The following PSPC1 variants were observed in gnomAD, a reference collection of about 807,000 sequenced individuals.
The protein encoded by PSPC1 is paraspeckle component 1, also known as paraspeckle protein 1.
In PSPC1, 14 loss-of-function variants were observed where a neutral mutation model predicts 51.6. The ratio of observed to expected loss-of-function variants is 0.27; its 90% CI spans 0.18 to 0.42. The LOEUF (loss-of-function observed/expected upper bound fraction) is 0.42. Ranked by LOEUF, PSPC1 falls within the 10% of genes least tolerant of loss-of-function variation. PSPC1 has a pLI of 1.00. For missense variants in PSPC1, 406 were observed against 701.1 expected (o/e 0.58, Z 4.75); for synonymous variants, 193 against 231.9 (o/e 0.83, Z 1.53).
chr13:19,782,565 T>C lies in PSPC1; in HGVS notation c.193A>G (p.Ile65Val), dbSNP rs777004665. ...GGCTTGAGGAAACTCTTGATGTCGA[T>C]AGTGAACCCCATCTCCTCGTCCGGG... is the stretch of plus-strand genomic sequence containing the variant. ...DHPDEEMGFT[I>V]DIKSFLKPGE... The change falls in exon 1 of 9, where the codon ATC (isoleucine) becomes GTC (valine). Residue 65 changes from isoleucine (I) to valine (V), a missense_variant. Transcript: ENST00000338910. The surrounding 1 kb of genome is among the most constrained non-coding windows in gnomAD (Gnocchi z 4.5). The C allele has an allele frequency of 1.9e-5, 30 of 1,608,558 alleles. No homozygotes were observed. Among genetic ancestry groups the C allele is most frequent in the South Asian group, 1.0e-4 (9 of 90,416 alleles).
At chr13:19,671,978 G>T (rs1416201435), downstream of PSPC1, 2 of 1,217,258 alleles carry the variant, frequency 1.6e-6, no homozygotes, top group Non-Finnish European at 2.4e-6. Context: ...AGTTTTGTCT[G>T]TAAACCTCTT....
chr13:19,707,857 C>A (rs1353153182), intron 7 of PSPC1, among the ~76,000 whole-genome samples: 2 of 152,026 alleles, frequency 1.3e-5, no homozygotes, highest in African/African-American at 2.4e-5. Flanking sequence ...TCTACAATAA[C>A]CTTATTCCTA....
chr13:19,762,701 G>A (rs772836866), intron 2 of PSPC1, among the ~76,000 whole-genome samples: 3 of 152,194 alleles, frequency 2.0e-5, no homozygotes, highest in Non-Finnish European at 4.4e-5. Context: ...GCTAAAATGT[G>A]TTTCTATCTA....
intron 8 of PSPC1, among the ~76,000 whole-genome samples, chr13:19,705,072 T>G (rs1880473852): frequency 6.6e-6 from 1 of 152,204 alleles, no homozygotes; most frequent in African/African-American, 2.4e-5. Context: ...GCTTGAACGT[T>G]AGAATGCTGG....
At chr13:19,685,628 A>AG (rs1877782884) in intron 6 of PSPC1, among the ~76,000 whole-genome samples, 1 of 152,214 alleles carries the variant, frequency 6.6e-6, no homozygotes, top group Admixed American at 6.5e-5. Context: ...GCTAGTGCAC[A>AG]ATCACCACTA....
At chr13:19,695,297 C>T (rs1406496081) in intron 6 of PSPC1, among the ~76,000 whole-genome samples, 3 of 152,296 alleles carry the variant, frequency 2.0e-5, no homozygotes, top group Admixed American at 6.5e-5. Context: ...AGGCCTGTAG[C>T]ACAAACAGCA....
chr13:19,780,171 G>T (rs1180768605), intron 1 of PSPC1, among the ~76,000 whole-genome samples: 1 of 82,076 alleles, frequency 1.2e-5, no homozygotes, highest in African/African-American at 3.7e-5. Context: ...CAGCCGCCCC[G>T]TCCGGGAGGG....
intron 6 of PSPC1, among the ~76,000 whole-genome samples, chr13:19,714,653 C>G (rs1418850213): frequency 1.3e-5 from 2 of 151,982 alleles, no homozygotes; most frequent in Admixed American, 1.3e-4. Flanking sequence ...TACCATCACG[C>G]CCAGATAATT....
intron 6 of PSPC1, among the ~76,000 whole-genome samples, chr13:19,691,499 G>A (rs1878540256): frequency 1.3e-5 from 2 of 152,180 alleles, no homozygotes; most frequent in African/African-American, 4.8e-5. Context: ...TCCAGCCTGA[G>A]TGACAGAGTG....
intron 6 of PSPC1, among the ~76,000 whole-genome samples, chr13:19,718,098 A>T (rs190010376): frequency 9.4e-4 from 143 of 152,314 alleles, no homozygotes; most frequent in Non-Finnish European, 2.9e-5. Context: ...GTTTCTATTG[A>T]TACAACTCAA....
chr13:19,728,182 T>A (rs1484008042), intron 6 of PSPC1, among the ~76,000 whole-genome samples: 5 of 152,192 alleles, frequency 3.3e-5, no homozygotes, highest in Non-Finnish European at 7.3e-5. Context: ...CTTTCTTTGT[T>A]ACATGAAATT....
intron 6 of PSPC1, among the ~76,000 whole-genome samples, chr13:19,683,105 C>T (rs1877465929): frequency 6.6e-6 from 1 of 151,784 alleles, no homozygotes; most frequent in African/African-American, 2.4e-5. Flanking sequence ...AAAGAAACTG[C>T]CCTATACTCT....
At chr13:19,715,793 C>T (rs1882017833) in intron 6 of PSPC1, among the ~76,000 whole-genome samples, 1 of 152,012 alleles carries the variant, frequency 6.6e-6, no homozygotes, top group Admixed American at 6.6e-5. Context: ...GCGGATGGAT[C>T]ACGAGGTCAA....
intron 6 of PSPC1, among the ~76,000 whole-genome samples, chr13:19,716,459 G>C (rs1882102350): frequency 6.6e-6 from 1 of 152,140 alleles, no homozygotes; most frequent in Admixed American, 6.5e-5. Flanking sequence ...TATAACTCTT[G>C]TTTGAGTGAA....
At chr13:19,724,409 T>C (rs187736107) in intron 6 of PSPC1, among the ~76,000 whole-genome samples, 89 of 152,100 alleles carry the variant, frequency 5.9e-4, no homozygotes, top group African/African-American at 2.1e-3. Flanking sequence ...CAAGAGATGA[T>C]AGATGAACAA....
intron 6 of PSPC1, among the ~76,000 whole-genome samples, chr13:19,718,407 C>T (rs1882379608): frequency 6.6e-6 from 1 of 152,052 alleles, no homozygotes; most frequent in Admixed American, 6.6e-5. Flanking sequence ...ATTACATTGA[C>T]GGAACTGCAA....
At chr13:19,710,470 G>A (rs1201064306) in intron 6 of PSPC1, among the ~76,000 whole-genome samples, 1 of 152,114 alleles carries the variant, frequency 6.6e-6, no homozygotes, top group African/African-American at 2.4e-5. Context: ...TAGCAATCAT[G>A]AAAAACATTC....
intron 6 of PSPC1, among the ~76,000 whole-genome samples, chr13:19,728,381 T>C (rs1157855830): frequency 4.7e-5 from 7 of 150,508 alleles, no homozygotes; most frequent in Admixed American, 4.6e-4. Flanking sequence ...ATTCCTCCCT[T>C]TAAACTGAAC....
intron 6 of PSPC1, among the ~76,000 whole-genome samples, chr13:19,685,124 T>C (rs1056968519): frequency 1.3e-5 from 2 of 152,228 alleles, no homozygotes; most frequent in South Asian, 2.1e-4. Flanking sequence ...GTTGTAAATC[T>C]ACCATCTCAA....
Sources: allele counts gnomAD v4.1 joint callset (sites outside exome capture counted in the v4.1 genomes callset), GRCh38; gene constraint gnomAD v4.1.1; non-coding constraint Gnocchi (gnomAD v3.1); transcripts MANE v1.5; gene names NCBI Gene and HGNC (gene_info 2026-07-23, HGNC 2026-07-21).